ZC3H12B: variants seen among roughly 807,000 people sequenced by gnomAD.
ZC3H12B encodes the protein probable ribonuclease ZC3H12B.
A neutral mutation model predicts 43.9 loss-of-function variants in ZC3H12B; 7 were observed. The ratio of observed to expected loss-of-function variants is 0.16; its 90% CI spans 0.09 to 0.30. The LOEUF is 0.30. Among genes scored for constraint, ZC3H12B ranks in the 10% least tolerant of loss-of-function variants. ZC3H12B has a pLI of 1.00. For missense variants in ZC3H12B, 475 were observed against 670.2 expected (o/e 0.71, Z 3.22); for synonymous variants, 222 against 241.7 (o/e 0.92, Z 0.76).
chrX:65,415,752 C>A (rs975530561), intron 3 of ZC3H12B, among the ~76,000 whole-genome samples: 12 of 112,000 alleles, frequency 1.1e-4, no homozygotes, highest in African/African-American at 3.9e-4. Flanking sequence ...TAATTAACTT[C>A]TCTGAACCTT....
the ZC3H12B span, among the ~76,000 whole-genome samples, chrX:65,078,002 G>T: frequency 8.9e-6 from 1 of 112,036 alleles, no homozygotes; most frequent in Admixed American, 9.5e-5. Context: ...AGAGATTCTG[G>T]ATATATATTA....
chrX:65,441,594 C>T (rs1386788816), intron 3 of ZC3H12B, among the ~76,000 whole-genome samples: 1 of 111,980 alleles, frequency 8.9e-6, no homozygotes, highest in Non-Finnish European at 1.9e-5. Flanking sequence ...AGGAAACAGA[C>T]GTAGATATAA....
chrX:65,469,839 C>T (rs6653145), intron 3 of ZC3H12B, among the ~76,000 whole-genome samples: 10,256 of 111,202 alleles, frequency 0.092, 1,251 homozygotes, highest in African/African-American at 0.32. Context: ...GGTGTGGACA[C>T]GTGCCTATAA....
At chrX:65,211,310 CA>C in the ZC3H12B span, among the ~76,000 whole-genome samples, 2 of 108,300 alleles carry the variant, frequency 1.8e-5, no homozygotes, top group East Asian at 2.9e-4. Flanking sequence ...TTCTTGTAAC[CA>C]AAAACCACCT....
At chrX:65,309,592 T>C in the ZC3H12B span, among the ~76,000 whole-genome samples, 52 of 111,998 alleles carry the variant, frequency 4.6e-4, no homozygotes, top group African/African-American at 1.7e-3. Flanking sequence ...TACCATTCCT[T>C]CTGAAACTTC....
chrX:65,409,497 A>G (rs1436307045), intron 3 of ZC3H12B, among the ~76,000 whole-genome samples: 1 of 109,029 alleles, frequency 9.2e-6, no homozygotes, highest in Non-Finnish European at 1.9e-5. Flanking sequence ...GAATGAAAGA[A>G]GTAGTATTAT....
intron 3 of ZC3H12B, among the ~76,000 whole-genome samples, chrX:65,442,637 G>A (rs1003365460): frequency 8.9e-6 from 1 of 112,098 alleles, no homozygotes; most frequent in Non-Finnish European, 1.9e-5. Flanking sequence ...GAACTGAGCA[G>A]GAGTTAGACA....
At chrX:65,201,149 A>T in the ZC3H12B span, among the ~76,000 whole-genome samples, 1 of 111,840 alleles carries the variant, frequency 8.9e-6, no homozygotes, top group Non-Finnish European at 1.9e-5. Flanking sequence ...GGAAAAGTTC[A>T]GCTATGAATC....
the ZC3H12B span, among the ~76,000 whole-genome samples, chrX:65,212,234 A>T: frequency 1.1e-4 from 1 of 8,838 alleles, no homozygotes; most frequent in African/African-American, 4.1e-4. Context: ...TATATTATAT[A>T]GTATAATTAT....
the ZC3H12B span, among the ~76,000 whole-genome samples, chrX:65,043,372 A>G: frequency 9.0e-6 from 1 of 111,350 alleles, no homozygotes; most frequent in Non-Finnish European, 1.9e-5. Context: ...ATTAGAGATC[A>G]TATTATCTAC....
chrX:65,388,547 T>TC (rs2066564390), intron 2 of ZC3H12B, among the ~76,000 whole-genome samples: 1 of 111,488 alleles, frequency 9.0e-6, no homozygotes, highest in Non-Finnish European at 1.9e-5. Flanking sequence ...TTTGTCTAAT[T>TC]TTTTTTTCAA....
Position 65,504,508 on chromosome X carries a change from G to T in ZC3H12B, c.*1299G>T, listed in dbSNP as rs1282202274. ...ATTAGGGATCAGGTTGCAGTCTTCT[G>T]CAGAGAAACTGATGGTTAAGCTCAA... is the stretch of plus-strand genomic sequence containing the variant. On this transcript the variant is annotated 3_prime_UTR_variant, in exon 5 of 5. Transcript: ENST00000338957. The T allele has an allele frequency of 6.2e-5, 7 of 112,324 alleles. No homozygotes were observed. In the Admixed American group the frequency reaches 6.6e-4, roughly 11 times the overall value. 9.3% of individuals were successfully genotyped at this position (112,324 alleles called of 1,213,427 possible). A position where few individuals can be genotyped will look rare whatever the true frequency, so the allele number is the denominator to read the frequency against.
the ZC3H12B span, among the ~76,000 whole-genome samples, chrX:65,169,963 C>G: frequency 8.9e-6 from 1 of 111,957 alleles, no homozygotes; most frequent in African/African-American, 3.2e-5. Flanking sequence ...ATACAGCATA[C>G]TGATGGGTCT....
the ZC3H12B span, among the ~76,000 whole-genome samples, chrX:65,254,883 G>C: frequency 3.6e-5 from 4 of 111,463 alleles, no homozygotes; most frequent in Non-Finnish European, 7.5e-5. Flanking sequence ...ACCTGATAGA[G>C]CAGAAAAAAA....
the ZC3H12B span, among the ~76,000 whole-genome samples, chrX:65,235,136 A>G: frequency 3.6e-5 from 4 of 111,585 alleles, no homozygotes; most frequent in African/African-American, 6.5e-5. Context: ...GTTTTTGTGA[A>G]TAGTGCTGCA....
chrX:65,466,009 G>C (rs1037423106), intron 3 of ZC3H12B, among the ~76,000 whole-genome samples: 1 of 110,214 alleles, frequency 9.1e-6, no homozygotes, highest in African/African-American at 3.3e-5. Context: ...TATGTGATGA[G>C]CACACTTGAA....
intron 3 of ZC3H12B, among the ~76,000 whole-genome samples, chrX:65,475,178 A>C (rs1331485134): frequency 8.9e-6 from 1 of 112,215 alleles, no homozygotes; most frequent in African/African-American, 3.2e-5. Context: ...AAAAATTTTT[A>C]TCTTTTAAGT....
At chrX:65,162,666 G>C in the ZC3H12B span, among the ~76,000 whole-genome samples, 4 of 111,253 alleles carry the variant, frequency 3.6e-5, no homozygotes, top group Non-Finnish European at 5.7e-5. Flanking sequence ...TTATACATTC[G>C]TCTAAATTTT....
intron 2 of ZC3H12B, among the ~76,000 whole-genome samples, chrX:65,394,457 G>T (rs925064927): frequency 8.9e-6 from 1 of 112,167 alleles, no homozygotes; most frequent in African/African-American, 3.2e-5. Flanking sequence ...ATTAAATAGC[G>T]AATCTTTTCC....
Sources: allele counts gnomAD v4.1 joint callset (sites outside exome capture counted in the v4.1 genomes callset), GRCh38; gene constraint gnomAD v4.1.1; transcripts MANE v1.5; gene names NCBI Gene and HGNC (gene_info 2026-07-23, HGNC 2026-07-21).